Variants in TAB2 observed in about 807,000 individuals in gnomAD.
TAB2 encodes TGF-beta activated kinase 1 (MAP3K7) binding protein 2.
In TAB2, 3 loss-of-function variants were observed where a neutral mutation model predicts 65.0. The ratio of observed to expected loss-of-function variants is 0.05; its 90% CI spans 0.02 to 0.12. TAB2 has a LOEUF of 0.12. Ranked by LOEUF, TAB2 falls within the 10% of genes least tolerant of loss-of-function variation. The probability of loss-of-function intolerance (pLI) is 1.00; values close to 1 mark genes in which losing one functional copy is unlikely to be tolerated. For synonymous variants in TAB2, 298 were observed against 285.1 expected (o/e 1.05, Z -0.46); for missense variants, 623 against 840.3 (o/e 0.74, Z 3.20).
chr6:149,332,667 A>C lies in TAB2; in HGVS notation c.-90+14652A>C, dbSNP rs181061471. 1.8e-4 allele frequency among the ~76,000 whole-genome samples: 28 copies of C among 152,300 alleles called. No individual in the cohort carries two copies. The East Asian group carries it at 5.2e-3, about 28-fold the overall frequency. On this transcript the variant is annotated intron_variant, in intron 1 of 6. Transcript: ENST00000637181. ...TTGACACTTATTAAGTGCCCGAATG[A>C]CTTTCTGTGGCAACATTTATCTTAC... is the stretch of plus-strand genomic sequence containing the variant.
rs200700577 is a variant in TAB2 at position 149,400,418 on chromosome 6, A to C, written c.1939+1234A>C. 1.6e-4 allele frequency: 260 copies of C among 1,614,224 alleles called. 5 individuals are homozygous for C. In the Middle Eastern group the frequency reaches 4.3e-3, roughly 27 times the overall value. The stretch of plus-strand genomic sequence containing the variant: ...TGGCCAACGAAAAGCCCACAGAAGA[A>C]GTCAAGACTGAGAACAACAATCATA... On this transcript the variant is annotated intron_variant, in intron 6 of 6. Transcript: ENST00000637181.
intron 1 of TAB2, among the ~76,000 whole-genome samples, chr6:149,280,242 C>A (rs528707329): frequency 6.6e-6 from 1 of 152,290 alleles, no homozygotes; most frequent in South Asian, 2.1e-4. Context: ...GTTATCAGTA[C>A]TAACTTCATG....
rs574020409 is a variant in TAB2, at chr6:149,232,063, G to C, written c.-121+13287G>C. 3.9e-5 allele frequency among the ~76,000 whole-genome samples: 6 copies of C among 152,232 alleles called. 1 individual carries two copies. The East Asian group carries it at 9.6e-4, about 24-fold the overall frequency. On this transcript the variant is annotated intron_variant, in intron 1 of 1. Coordinates refer to the TAB2 transcript ENST00000606202. ...CAGAAACAGAAATTTGAGGGTGGAG[G>C]GGGAAAACTCTGTGAACTTACAGGA...
chr6:149,351,244 C>A (rs1002401992), intron 1 of TAB2, among the ~76,000 whole-genome samples: 1 of 152,158 alleles, frequency 6.6e-6, no homozygotes, highest in Admixed American at 6.6e-5. Flanking sequence ...ATTTCCCCAA[C>A]TGCAAGTTTT....
chr6:149,244,889 A>G (rs964984982), intron 1 of TAB2: 1 of 152,156 alleles, frequency 6.6e-6, no homozygotes, highest in Non-Finnish European at 1.5e-5. Flanking sequence ...TCTCAAAAAA[A>G]AAAAAACAAC....
At chr6:149,348,113 C>T (rs1780362896) in intron 1 of TAB2, among the ~76,000 whole-genome samples, 1 of 152,072 alleles carries the variant, frequency 6.6e-6, no homozygotes, top group South Asian at 2.1e-4. Flanking sequence ...AGAATGTGGG[C>T]CAGGCACAGT....
At chr6:149,249,542 G>C (rs972887554) in intron 1 of TAB2, among the ~76,000 whole-genome samples, 2 of 149,500 alleles carry the variant, frequency 1.3e-5, no homozygotes, top group Admixed American at 1.3e-4. Context: ...CTCTCTTTCT[G>C]TCTCTGTCTC....
intron 1 of TAB2, among the ~76,000 whole-genome samples, chr6:149,242,091 G>A (rs1334560071): frequency 6.6e-6 from 1 of 152,150 alleles, no homozygotes; most frequent in Non-Finnish European, 1.5e-5. Flanking sequence ...GGATATGGAT[G>A]TCACTGCTCG....
At chr6:149,339,695 T>A (rs891502253) in intron 1 of TAB2, among the ~76,000 whole-genome samples, 1 of 150,126 alleles carries the variant, frequency 6.7e-6, no homozygotes, top group Non-Finnish European at 1.5e-5. Context: ...ACCTCCCAGG[T>A]TCAAGCGATT....
chr6:149,403,440 C>T (rs1004567613), intron 6 of TAB2, among the ~76,000 whole-genome samples: 1 of 149,426 alleles, frequency 6.7e-6, no homozygotes, highest in African/African-American at 2.5e-5. Flanking sequence ...GTAATATAAT[C>T]AATGGAGAAA....
intron 1 of TAB2, among the ~76,000 whole-genome samples, chr6:149,264,455 T>G (rs79261169): frequency 0.017 from 2,443 of 147,078 alleles, 73 homozygotes; most frequent in African/African-American, 0.059. Context: ...TGTTTTGTTT[T>G]GTTTGGTTTT....
At chr6:149,242,186 T>C (rs1019849046) in intron 1 of TAB2, among the ~76,000 whole-genome samples, 3 of 152,230 alleles carry the variant, frequency 2.0e-5, no homozygotes, top group Admixed American at 2.0e-4. Context: ...AGGGATCATT[T>C]TGATGATACC....
At chr6:149,402,781 A>G (rs1434553862) in intron 6 of TAB2, among the ~76,000 whole-genome samples, 1 of 152,184 alleles carries the variant, frequency 6.6e-6, no homozygotes, top group Non-Finnish European at 1.5e-5. Flanking sequence ...ATACGCCATG[A>G]CCAAGTGGGG....
intron 1 of TAB2, among the ~76,000 whole-genome samples, chr6:149,283,369 T>A (rs1778611197): frequency 6.6e-6 from 1 of 152,190 alleles, no homozygotes; most frequent in African/African-American, 2.4e-5. Flanking sequence ...CTATAACTAA[T>A]AAATCACAAA....
At chr6:149,379,668 T>C in intron 3 of TAB2, 150 bp downstream of exon 3, 1 of 503,760 alleles carries the variant, frequency 2.0e-6, no homozygotes, top group Non-Finnish European at 3.2e-6. Flanking sequence ...GAGTATTATA[T>C]GTATATACAT....
intron 1 of TAB2, chr6:149,243,629 T>C (rs1319895354): frequency 6.6e-6 from 1 of 152,242 alleles, no homozygotes; most frequent in African/African-American, 2.4e-5. Flanking sequence ...GACTTACCTT[T>C]AGCTTTTTGA....
chr6:149,403,275 TATATATATACAC>T (rs1782524362), intron 6 of TAB2, among the ~76,000 whole-genome samples: 9 of 43,368 alleles, frequency 2.1e-4, no homozygotes, highest in African/African-American at 9.8e-4. Flanking sequence ...TATATATATA[TATATATATACAC>T]ACACACACAT....
chr6:149,221,955 G>A (rs603092), intron 1 of TAB2, among the ~76,000 whole-genome samples: 31,555 of 152,150 alleles, frequency 0.21, 3,402 homozygotes, highest in Middle Eastern at 0.25. Context: ...ACTAAAGGAT[G>A]CCTGGATATT....
In TAB2 at chr6:149,403,246, AAATATATATATATATAT is replaced by A. The variant is rs1384452514; in HGVS notation, c.1939+4064_1939+4080del. ...CGAAACTCTTGTCTAAAAAAAAAAA[AAATATATATATATATAT>A]ATATATATATATATATATATACACA... On this transcript the variant is annotated intron_variant, in intron 6 of 6. Transcript: ENST00000637181. Among the ~76,000 whole-genome samples the A allele has an allele frequency of 2.2e-3, 71 of 31,674 alleles. 1 individual carries two copies. The highest frequency in any genetic ancestry group is 0.011 in the African/African-American group (62 of 5,588). 20.8% of individuals were successfully genotyped at this position (31,674 alleles called of 152,430 possible). A position where few individuals can be genotyped will look rare whatever the true frequency, so the allele number is the denominator to read the frequency against.
Sources: gnomAD v4.1 joint callset for allele counts (sites outside exome capture counted in the v4.1 genomes callset) on GRCh38, gnomAD v4.1.1 for gene constraint, MANE v1.5 for transcripts, NCBI Gene and HGNC (gene_info 2026-07-23, HGNC 2026-07-21) for gene names.